The following CNTN6 variants were observed in gnomAD, a reference collection of about 807,000 sequenced individuals.
The protein encoded by CNTN6 is contactin 6.
A neutral mutation model predicts 122.8 loss-of-function variants in CNTN6; 137 were observed. The ratio of observed to expected loss-of-function variants is 1.12; its 90% CI spans 0.97 to 1.29. CNTN6 has a LOEUF of 1.29. Among genes scored for constraint, CNTN6 ranks in the 50% most tolerant of loss-of-function variants. The pLI, the probability that CNTN6 is intolerant of heterozygous loss-of-function variation, is 0.00. For synonymous variants in CNTN6, 570 were observed against 426.0 expected (o/e 1.34, Z -4.16); for missense variants, 1,634 against 1,223.4 (o/e 1.34, Z -5.01).
intron 4 of CNTN6, among the ~76,000 whole-genome samples, chr3:1,255,184 G>A (rs557635053): frequency 2.6e-5 from 4 of 152,212 alleles, no homozygotes; most frequent in Non-Finnish European, 4.4e-5. Context: ...CACTTCTGCT[G>A]CATTTTGTTT....
chr3:1,099,427 G>A (rs910901075), intron 1 of CNTN6, among the ~76,000 whole-genome samples: 6 of 152,058 alleles, frequency 3.9e-5, no homozygotes, highest in South Asian at 4.2e-4. Flanking sequence ...CTCCAGCCTG[G>A]GTGACAGAGC....
intron 2 of CNTN6, among the ~76,000 whole-genome samples, chr3:1,211,842 C>G (rs2094042657): frequency 1.3e-5 from 2 of 152,106 alleles, no homozygotes; most frequent in South Asian, 4.1e-4. Context: ...ACACCAGAGC[C>G]CAAGAAGAAC....
chr3:1,145,109 A>T (rs2092697034), intron 1 of CNTN6, among the ~76,000 whole-genome samples: 1 of 152,138 alleles, frequency 6.6e-6, no homozygotes, highest in Non-Finnish European at 1.5e-5. Flanking sequence ...GTCTTAGCAA[A>T]CTGTCCATGA....
At position 1,255,423 on chromosome 3, in the gene CNTN6, AAAAAAG is replaced by A. The variant is rs753847085; in HGVS notation, c.359-22986_359-22981del. ...CGTAAGACATTTGAAAATGGAAAAAAAAAAAGAAAGAAAGAAAGAAAGAAAGGAATT... is the reference window on the plus strand; with the variant it reads ...CGTAAGACATTTGAAAATGGAAAAAAAAAGAAAGAAAGAAAGAAAGGAATT... On this transcript the variant is annotated intron_variant, in intron 4 of 22. Coordinates refer to ENST00000446702, the MANE Select transcript of CNTN6 (RefSeq NM_001289080.2). Among the ~76,000 whole-genome samples, 25 of 148,102 alleles carry A rather than the reference AAAAAAG, an allele frequency of 1.7e-4. 1 individual carries two copies. The South Asian group carries it at 4.7e-3, about 28-fold the overall frequency.
At chr3:1,196,784 T>A (rs775842135) in intron 2 of CNTN6, among the ~76,000 whole-genome samples, 2 of 152,178 alleles carry the variant, frequency 1.3e-5, no homozygotes, top group Admixed American at 6.5e-5. Context: ...TCGCCAAATA[T>A]GTATCAAGCA....
Position 1,205,843 on chromosome 3 carries a change from T to C in CNTN6, c.56-14844T>C, listed in dbSNP as rs530903562. 3.9e-5 allele frequency among the ~76,000 whole-genome samples: 6 copies of C among 152,254 alleles called. No homozygotes were observed. The East Asian group carries it at 5.8e-4, about 15-fold the overall frequency. ...CAGAACAGGCTTACCATGGGTAAAT[T>C]GGATGGTATGTGAATTATATTTTAA... On this transcript the variant is annotated intron_variant, in intron 2 of 22. Coordinates refer to ENST00000446702, the MANE Select transcript of CNTN6 (RefSeq NM_001289080.2).
intron 4 of CNTN6, among the ~76,000 whole-genome samples, chr3:1,255,771 C>T (rs1429465193): frequency 2.0e-5 from 3 of 152,126 alleles, no homozygotes; most frequent in Non-Finnish European, 4.4e-5. Context: ...CTCCTGGGCT[C>T]AAGCAATCGT....
At chr3:1,249,170 C>T (rs2094623617) in intron 4 of CNTN6, among the ~76,000 whole-genome samples, 1 of 152,052 alleles carries the variant, frequency 6.6e-6, no homozygotes, top group South Asian at 2.1e-4. Context: ...CCATAGGGGT[C>T]AACACAAGGT....
chr3:1,386,875 A>AAGTT (rs1350357981), intron 20 of CNTN6, among the ~76,000 whole-genome samples: 4 of 152,188 alleles, frequency 2.6e-5, no homozygotes, highest in South Asian at 2.1e-4. Context: ...TTTGAAAATA[A>AAGTT]AGTTATATTA....
At chr3:1,377,374 T>A (rs1350742391) in intron 17 of CNTN6, among the ~76,000 whole-genome samples, 2 of 152,122 alleles carry the variant, frequency 1.3e-5, no homozygotes, top group African/African-American at 4.8e-5. Flanking sequence ...ATTGTTTGAT[T>A]TGTTACCTGT....
At chr3:1,297,128 CTTAAAAA>C (rs1272952949) in intron 6 of CNTN6, among the ~76,000 whole-genome samples, 1 of 152,042 alleles carries the variant, frequency 6.6e-6, no homozygotes, top group African/African-American at 2.4e-5. Context: ...ATGATCAAGT[CTTAAAAA>C]TTAAGTATTT....
At chr3:1,394,908 A>G (rs1224061354) in intron 20 of CNTN6, among the ~76,000 whole-genome samples, 1 of 152,222 alleles carries the variant, frequency 6.6e-6, no homozygotes, top group Non-Finnish European at 1.5e-5. Context: ...CACCCAAGAC[A>G]CAACGTTAGA....
intron 16 of CNTN6, among the ~76,000 whole-genome samples, chr3:1,375,975 A>G (rs1709800080): frequency 6.6e-6 from 1 of 152,016 alleles, no homozygotes; most frequent in South Asian, 2.1e-4. Flanking sequence ...AGGAATTAAA[A>G]CTTACATATT....
At chr3:1,273,314 G>T (rs547859979) in intron 4 of CNTN6, among the ~76,000 whole-genome samples, 1 of 152,150 alleles carries the variant, frequency 6.6e-6, no homozygotes, top group Non-Finnish European at 1.5e-5. Flanking sequence ...CTCATTCTAA[G>T]CAATTTTCTT....
At chr3:1,384,746 TAC>T (rs10575923) in intron 19 of CNTN6, among the ~76,000 whole-genome samples, 1 of 121,008 alleles carries the variant, frequency 8.3e-6, no homozygotes, top group Non-Finnish European at 1.8e-5. Context: ...TATACATATA[TAC>T]ACATATATAT....
At chr3:1,154,632 G>A (rs185385276) in intron 2 of CNTN6, among the ~76,000 whole-genome samples, 149 of 151,896 alleles carry the variant, frequency 9.8e-4, no homozygotes, top group African/African-American at 3.3e-3. Context: ...TAGTAGAGAC[G>A]GGGTTTCTCC....
At chr3:1,309,414 C>G (rs150642159) in intron 7 of CNTN6, among the ~76,000 whole-genome samples, 52 of 152,262 alleles carry the variant, frequency 3.4e-4, no homozygotes, top group African/African-American at 1.1e-3. Context: ...TGCGTTTGCT[C>G]CTTTGTCAAA....
At chr3:1,386,841 G>A (rs1373257072) in intron 20 of CNTN6, among the ~76,000 whole-genome samples, 2 of 152,024 alleles carry the variant, frequency 1.3e-5, no homozygotes, top group African/African-American at 4.8e-5. Context: ...ACCATATTTG[G>A]AAAGAAGAGA....
intron 13 of CNTN6, 56 bp from the exon 14 acceptor site, chr3:1,372,782 G>A: frequency 1.0e-6 from 1 of 991,602 alleles, no homozygotes; most frequent in African/African-American, 1.6e-5. Flanking sequence ...TAACAATAAA[G>A]TAGGACTTGT....
Sources: gnomAD v4.1 joint callset for allele counts (sites outside exome capture counted in the v4.1 genomes callset) on GRCh38, gnomAD v4.1.1 for gene constraint, MANE v1.5 for transcripts, NCBI Gene and HGNC (gene_info 2026-07-23, HGNC 2026-07-21) for gene names.